SYNPO2: variants seen among roughly 807,000 people sequenced by gnomAD.
SYNPO2 encodes the protein synaptopodin-2.
SYNPO2 carries 56 observed loss-of-function variants against 85.0 expected under a neutral mutation model. The observed-to-expected ratio is 0.66, with a 90% CI of 0.53 to 0.82. The LOEUF (loss-of-function observed/expected upper bound fraction) is 0.82. Ranked by LOEUF, SYNPO2 falls within the 40% of genes least tolerant of loss-of-function variation. SYNPO2 has a pLI of 0.00. For synonymous variants in SYNPO2, 602 were observed against 591.1 expected (o/e 1.02, Z -0.27); for missense variants, 1,575 against 1,534.2 (o/e 1.03, Z -0.44).
intron 4 of SYNPO2, among the ~76,000 whole-genome samples, chr4:119,044,576 G>A (rs1438509631): frequency 6.6e-6 from 1 of 151,884 alleles, no homozygotes; most frequent in Non-Finnish European, 1.5e-5. Context: ...TGTCGCCCAG[G>A]CTGGAGTGCA....
At chr4:118,873,254 C>T (rs1731836373) in intron 1 of SYNPO2, among the ~76,000 whole-genome samples, 2 of 152,244 alleles carry the variant, frequency 1.3e-5, no homozygotes, top group East Asian at 3.9e-4. Flanking sequence ...AATTTTAGTT[C>T]TTTGAGAAAT....
chr4:118,989,456 G>A (rs1736330332), intron 1 of SYNPO2, among the ~76,000 whole-genome samples: 1 of 152,216 alleles, frequency 6.6e-6, no homozygotes, highest in Non-Finnish European at 1.5e-5. Context: ...ATTGTTTCAT[G>A]TGTGATCATA....
At chr4:118,959,069 A>C (rs577737884) in intron 1 of SYNPO2, among the ~76,000 whole-genome samples, 1 of 152,344 alleles carries the variant, frequency 6.6e-6, no homozygotes, top group African/African-American at 2.4e-5. Flanking sequence ...TAAAGGCAAC[A>C]TGTATTGACT....
chr4:118,998,435 A>C (rs1056802003), intron 1 of SYNPO2, among the ~76,000 whole-genome samples: 4 of 152,238 alleles, frequency 2.6e-5, no homozygotes, highest in Admixed American at 1.3e-4. Flanking sequence ...TGAGAAAATT[A>C]ATCATGAAAA....
intron 1 of SYNPO2, among the ~76,000 whole-genome samples, chr4:118,956,603 A>G (rs1451927700): frequency 1.3e-5 from 2 of 152,202 alleles, no homozygotes; most frequent in Non-Finnish European, 2.9e-5. Flanking sequence ...CAGTCACTAT[A>G]TTCAGAACGC....
At chr4:118,873,409 T>G (rs1346291666) in intron 1 of SYNPO2, among the ~76,000 whole-genome samples, 1 of 152,202 alleles carries the variant, frequency 6.6e-6, no homozygotes, top group Non-Finnish European at 1.5e-5. Context: ...TCATGTAAGA[T>G]AATATCTTAT....
At position 119,057,991 on chromosome 4, in the gene SYNPO2, G is replaced by C. The variant is rs1739271087; in HGVS notation, c.*57G>C. 5 of 1,536,038 alleles carry C rather than the reference G, an allele frequency of 3.3e-6. No homozygotes were observed. Among genetic ancestry groups the C allele is most frequent in the Non-Finnish European group, 3.5e-6 (4 of 1,144,880 alleles). ...AGTTTTTTAAAAAAAACGCTCCTTT[G>C]TAGGGTTTTAAACTTTTCTAATAGA... On this transcript the variant is annotated 3_prime_UTR_variant, in exon 5 of 5. Transcript: ENST00000307142.
At chr4:118,934,017 G>A (rs2149134491) in intron 1 of SYNPO2, among the ~76,000 whole-genome samples, 1 of 151,926 alleles carries the variant, frequency 6.6e-6, no homozygotes, top group East Asian at 1.9e-4. Flanking sequence ...CCAGTTTTTT[G>A]GATAAACTAG....
chr4:118,943,126 T>C (rs1734374606), intron 1 of SYNPO2, among the ~76,000 whole-genome samples: 1 of 148,540 alleles, frequency 6.7e-6, no homozygotes, highest in Non-Finnish European at 1.5e-5. Flanking sequence ...AAAAAGTCAA[T>C]AGTGTTGAGG....
intron 4 of SYNPO2, chr4:119,033,567 A>G (rs760177961): frequency 1.5e-5 from 15 of 985,324 alleles, no homozygotes; most frequent in Non-Finnish European, 1.3e-5. Flanking sequence ...CATCTACTCT[A>G]TGCAGGAGAT....
chr4:118,920,462 G>A (rs984774971), intron 1 of SYNPO2, among the ~76,000 whole-genome samples: 4 of 152,084 alleles, frequency 2.6e-5, no homozygotes, highest in Non-Finnish European at 4.4e-5. Flanking sequence ...ATTCGACTGT[G>A]CACGTATTAG....
At chr4:119,007,536 A>C (rs1737128393) in intron 1 of SYNPO2, among the ~76,000 whole-genome samples, 1 of 151,978 alleles carries the variant, frequency 6.6e-6, no homozygotes, top group Admixed American at 6.6e-5. Context: ...TCGTATGCTT[A>C]TATGGCATAA....
chr4:118,905,954 A>C lies in SYNPO2; in HGVS notation c.105+16813A>C, dbSNP rs1266051007. Among the ~76,000 whole-genome samples the C allele has an allele frequency of 2.6e-5, 4 of 152,138 alleles. No homozygotes were observed. The East Asian group carries it at 7.7e-4, about 29-fold the overall frequency. On this transcript the variant is annotated intron_variant, in intron 1 of 4. Transcript: ENST00000307142. ...TGGTATTTCTAGTTAAATGATTTGCATTTTTTTGCACTTATGTTGTCACCC... is the reference window on the plus strand; with the variant it reads ...TGGTATTTCTAGTTAAATGATTTGCCTTTTTTTGCACTTATGTTGTCACCC...
intron 4 of SYNPO2, chr4:119,036,454 A>G (rs529486712): frequency 1.6e-5 from 16 of 985,332 alleles, no homozygotes; most frequent in Non-Finnish European, 1.8e-5. Flanking sequence ...GAGTTAGTCA[A>G]CAATTATTCT....
At chr4:118,925,551 C>T (rs1298624102) in intron 1 of SYNPO2, among the ~76,000 whole-genome samples, 3 of 152,140 alleles carry the variant, frequency 2.0e-5, no homozygotes, top group African/African-American at 7.2e-5. Context: ...CCTTGTCCTT[C>T]AAGACTGGTC....
At chr4:118,995,348 C>G (rs1736548134) in intron 1 of SYNPO2, among the ~76,000 whole-genome samples, 1 of 152,008 alleles carries the variant, frequency 6.6e-6, no homozygotes, top group Admixed American at 6.6e-5. Context: ...GCTCCAAGCC[C>G]AATATATGTG....
chr4:119,033,692 A>G (rs1033179387), intron 4 of SYNPO2: 45 of 985,288 alleles, frequency 4.6e-5, no homozygotes, highest in Admixed American at 6.1e-5. Flanking sequence ...TCAATCTGCT[A>G]TATTTTTCAC....
At chr4:118,892,508 T>C (rs1732409212) in intron 1 of SYNPO2, among the ~76,000 whole-genome samples, 2 of 152,320 alleles carry the variant, frequency 1.3e-5, no homozygotes, top group Admixed American at 1.3e-4. Flanking sequence ...TTCTTCTTTA[T>C]GAAACTCTCT....
chr4:118,881,025 G>A (rs182396035), intron 1 of SYNPO2, among the ~76,000 whole-genome samples: 32 of 152,056 alleles, frequency 2.1e-4, no homozygotes, highest in Non-Finnish European at 4.3e-4. Context: ...GTTAAGGGCC[G>A]AACGTGGTGG....
Sources: allele counts gnomAD v4.1 joint callset (sites outside exome capture counted in the v4.1 genomes callset), GRCh38; gene constraint gnomAD v4.1.1; transcripts MANE v1.5; gene names NCBI Gene and HGNC (gene_info 2026-07-23, HGNC 2026-07-21).